The following YLPM1 variants were observed in gnomAD, a reference collection of about 807,000 sequenced individuals.
The protein encoded by YLPM1 is YLP motif-containing protein 1.
A neutral mutation model predicts 230.0 loss-of-function variants in YLPM1; 99 were observed. That is an observed-to-expected ratio of 0.43 (90% CI 0.37 to 0.51). YLPM1 has a LOEUF of 0.51. YLPM1 is among the 20% of genes least tolerant of loss of function. The probability of loss-of-function intolerance (pLI) is 0.00; values close to 1 mark genes in which losing one functional copy is unlikely to be tolerated. For synonymous variants in YLPM1, 984 were observed against 942.5 expected (o/e 1.04, Z -0.81); for missense variants, 2,592 against 2,707.7 (o/e 0.96, Z 0.95).
chr14:74,789,606 C>CTTTTT, intron 4 of YLPM1, among the ~76,000 whole-genome samples: 1 of 125,556 alleles, frequency 8.0e-6, no homozygotes, highest in Non-Finnish European at 1.7e-5. Context: ...TCTTTCTTTT[C>CTTTTT]TTTTTTTTTT....
intron 1 of YLPM1, among the ~76,000 whole-genome samples, chr14:74,771,253 T>G (rs2090973520): frequency 6.6e-6 from 1 of 152,170 alleles, no homozygotes; most frequent in South Asian, 2.1e-4. Context: ...GGAGTCTAGA[T>G]GTAAGATCTG....
intron 5 of YLPM1, among the ~76,000 whole-genome samples, chr14:74,802,160 G>A (rs569963774): frequency 1.7e-3 from 251 of 150,150 alleles, no homozygotes; most frequent in African/African-American, 5.9e-3. Flanking sequence ...AGAGGTTGTA[G>A]TGAGCTGAGA....
At chr14:74,811,769 G>A in intron 10 of YLPM1, 31 bp downstream of exon 10, 1 of 1,421,830 alleles carries the variant, frequency 7.0e-7, no homozygotes, top group Non-Finnish European at 9.6e-7. Flanking sequence ...CTACAAGGAT[G>A]TTGAGAATGT....
chr14:74,802,203 G>A, intron 5 of YLPM1, among the ~76,000 whole-genome samples: 1 of 137,280 alleles, frequency 7.3e-6, no homozygotes. Flanking sequence ...AGGCGACAGA[G>A]TGAGACTCTG....
At chr14:74,802,217 CA>C (rs34503917) in intron 5 of YLPM1, among the ~76,000 whole-genome samples, 48,222 of 95,076 alleles carry the variant, frequency 0.51, 9,276 homozygotes, top group East Asian at 0.66. Context: ...GACTCTGTCT[CA>C]AAAAAAAAAA....
At position 74,773,242 on chromosome 14, in the gene YLPM1, C is replaced by T. The variant is rs568143275; in HGVS notation, c.874-5205C>T. Among the ~76,000 whole-genome samples the T allele has an allele frequency of 4.6e-5, 7 of 152,186 alleles. No individual in the cohort carries two copies. In the South Asian group the frequency reaches 6.2e-4, roughly 14 times the overall value. On this transcript the variant is annotated intron_variant, in intron 1 of 20. Transcript: ENST00000325680. ...GGCGGAGCTTGCAGTGAGCCGAGAT[C>T]GCGCCACTGCGCTCCAGCCTGGGCG...
Position 74,763,546 on chromosome 14 carries a change from C to G in YLPM1, c.57C>G (p.Val19=). 6.5e-7 allele frequency: 1 copy of G among 1,535,610 alleles called. No individual in the cohort carries two copies. Among genetic ancestry groups the G allele is most frequent in the East Asian group, 2.5e-5 (1 of 40,530 alleles). The change falls in exon 1 of 21, where the codon GTC becomes GTG. Residue 19 remains valine, a synonymous_variant. Coordinates refer to ENST00000325680, the MANE Select transcript of YLPM1 (RefSeq NM_019589.3). ...GCAGCCACTATCCGCCGCCACCGGT[C>G]CCACCGCCGCCGCCAGTGGCGCTTC... The part of the protein sequence containing the change: ...GGSSHYPPPP[V]PPPPPVALPE...
chr14:74,764,896 C>T (rs2090896338), intron 1 of YLPM1, among the ~76,000 whole-genome samples: 1 of 152,178 alleles, frequency 6.6e-6, no homozygotes, highest in Non-Finnish European at 1.5e-5. Context: ...TTACCAGGAG[C>T]ATCCTAATTA....
chr14:74,800,076 A>C (rs540664283), intron 5 of YLPM1, among the ~76,000 whole-genome samples: 2 of 152,320 alleles, frequency 1.3e-5, no homozygotes, highest in South Asian at 4.1e-4. Context: ...GATCTGATAG[A>C]CTTTATATTC....
chr14:74,822,950 A>G (rs2091534237), intron 17 of YLPM1, among the ~76,000 whole-genome samples: 1 of 152,120 alleles, frequency 6.6e-6, no homozygotes, highest in African/African-American at 2.4e-5. Context: ...TGATGCTTAA[A>G]GTTTTCAGAT....
Position 74,764,025 on chromosome 14 carries a change from C to T in YLPM1, c.536C>T (p.Ser179Leu). ...CCACCCTCTTACTACCCCCCGACCT[C>T]ATCTCAGCCCTACCTGCCTCCTGCT... ...QPPPSYYPPT[S>L]SQPYLPPAQP... The change falls in exon 1 of 21, where the codon TCA (serine) becomes TTA (leucine). Residue 179 changes from serine to leucine, a missense_variant. Around this residue, in one of 4 missense-constraint regions of YLPM1, gnomAD observed 1,862 missense variants for 1,819.8 expected, o/e 1.02. Transcript: ENST00000325680. 4 of 1,610,406 alleles carry T rather than the reference C, an allele frequency of 2.5e-6. No individual in the cohort carries two copies. Among genetic ancestry groups the T allele is most frequent in the African/African-American group, 2.7e-5 (2 of 74,158 alleles).
At chr14:74,781,175 A>G (rs549789121) in intron 3 of YLPM1, among the ~76,000 whole-genome samples, 159 bp from the exon 4 acceptor site, 16 of 152,374 alleles carry the variant, frequency 1.1e-4, no homozygotes, top group African/African-American at 3.6e-4. Context: ...AAGAATGATC[A>G]TCACTCAAAG....
At position 74,799,550 on chromosome 14, in the gene YLPM1, A is replaced by G; in HGVS notation, c.4253A>G (p.Glu1418Gly). 6.2e-6 allele frequency: 10 copies of G among 1,613,964 alleles called. No homozygotes were observed. The highest frequency in any genetic ancestry group is 8.5e-6 in the Non-Finnish European group (10 of 1,179,878). ...SDVDRHSPMA[E>G]HMPSSHHSSE... ...GTGGATAGACATTCCCCCATGGCGGAACATATGCCCTCCTCACATCATTCC... is the reference window on the plus strand; with the variant it reads ...GTGGATAGACATTCCCCCATGGCGGGACATATGCCCTCCTCACATCATTCC... Residue 1418 changes from glutamate (E) to glycine (G), a missense_variant, in exon 5 of 21, where the codon GAA (glutamate) becomes GGA (glycine). Glu to Gly is a moderately conservative substitution (Grantham distance 98). Transcript: ENST00000325680.
rs1286023921 is a variant in YLPM1, at chr14:74,819,125, T to A, written c.6030+811T>A. On this transcript the variant is annotated intron_variant, in intron 16 of 20. Transcript: ENST00000325680. ...ATAAGTAATCTGTAGGGAGATACTC[T>A]TAATATCTTTTCCCCAACAAATTTT... Among the ~76,000 whole-genome samples, 4 of 152,334 alleles carry A rather than the reference T, an allele frequency of 2.6e-5. No homozygotes were observed. In the East Asian group the frequency reaches 7.7e-4, roughly 29 times the overall value.
intron 19 of YLPM1, chr14:74,834,751 G>A (rs2091631617): frequency 6.4e-6 from 1 of 155,688 alleles, no homozygotes; most frequent in Non-Finnish European, 1.4e-5. Context: ...TGTATAAAAT[G>A]CCATAGGCAC....
chr14:74,803,884 G>A (rs563500232), intron 6 of YLPM1, among the ~76,000 whole-genome samples: 37 of 152,230 alleles, frequency 2.4e-4, no homozygotes, highest in African/African-American at 7.9e-4. Context: ...TCGGCCAGGC[G>A]CGGTGGCTCA....
chr14:74,804,757 T>C (rs1043654640), intron 6 of YLPM1, among the ~76,000 whole-genome samples: 3 of 152,238 alleles, frequency 2.0e-5, no homozygotes, highest in African/African-American at 4.8e-5. Flanking sequence ...GTCCATAAGA[T>C]AATAACTATA....
chr14:74,775,496 G>A (rs1455731854), intron 1 of YLPM1, among the ~76,000 whole-genome samples: 2 of 152,190 alleles, frequency 1.3e-5, no homozygotes, highest in African/African-American at 2.4e-5. Context: ...GAGATAATTG[G>A]ATTAGAAAAT....
Position 74,797,737 on chromosome 14 carries a change from C to CG in YLPM1, c.2445dup (p.Pro816AlafsTer38), listed in dbSNP as rs1466908189. The CG allele has an allele frequency of 6.2e-7, 1 of 1,613,404 alleles. No individual in the cohort carries two copies. The highest frequency in any genetic ancestry group is 8.5e-7 in the Non-Finnish European group (1 of 1,179,648). On this transcript the variant is annotated frameshift_variant, in exon 5 of 21. Coordinates refer to ENST00000325680, the MANE Select transcript of YLPM1 (RefSeq NM_019589.3). LOFTEE classifies it high-confidence loss of function. ...TAAAAGCAAGTGGGGAATGATTCCC[C>CG]GGGGGCCAGCATCTCAATTTTATAT...
Sources: allele counts gnomAD v4.1 joint callset (sites outside exome capture counted in the v4.1 genomes callset), GRCh38; gene constraint gnomAD v4.1.1; regional missense constraint gnomAD v4.1.1; transcripts MANE v1.5; gene names NCBI Gene and HGNC (gene_info 2026-07-23, HGNC 2026-07-21).